PHF24: variants seen among roughly 807,000 people sequenced by gnomAD.
PHF24 encodes the protein Galpha inhibitory interacting protein.
Under a neutral mutation model 42.6 loss-of-function variants are expected in PHF24, and 25 were observed. The ratio of observed to expected loss-of-function variants is 0.59; its 90% CI spans 0.43 to 0.82. PHF24 has a LOEUF of 0.82. Among genes scored for constraint, PHF24 ranks in the 40% least tolerant of loss-of-function variants. The probability of loss-of-function intolerance (pLI) is 0.00; values close to 1 mark genes in which losing one functional copy is unlikely to be tolerated. For missense variants in PHF24, 470 were observed against 538.1 expected (o/e 0.87, Z 1.25); for synonymous variants, 185 against 204.8 (o/e 0.90, Z 0.83).
the PHF24 span, among the ~76,000 whole-genome samples, chr9:34,748,934 G>A: frequency 6.6e-6 from 1 of 152,066 alleles, no homozygotes; most frequent in East Asian, 1.9e-4. Flanking sequence ...TAGCTGTTTT[G>A]AGGAAACTCA....
chr9:34,665,757 C>T, the PHF24 span: 2 of 688,146 alleles, frequency 2.9e-6, no homozygotes, highest in East Asian at 2.7e-5. Flanking sequence ...ACGAGGCTGC[C>T]CAGTTCTCAG....
the PHF24 span, among the ~76,000 whole-genome samples, chr9:34,816,423 C>A: frequency 6.6e-6 from 1 of 152,188 alleles, no homozygotes; most frequent in East Asian, 1.9e-4. Context: ...CAGTGTCAGT[C>A]CATTTAGGCT....
At chr9:34,971,439 T>G (rs751350238) in exon 2 of PHF24, 29 of 1,613,974 alleles carry the variant, frequency 1.8e-5, no homozygotes, top group Non-Finnish European at 2.4e-5. Flanking sequence ...GCCGTGGCAC[T>G]GTAGAGGGCT....
chr9:34,669,852 T>C, the PHF24 span, among the ~76,000 whole-genome samples: 4 of 152,080 alleles, frequency 2.6e-5, no homozygotes, highest in Non-Finnish European at 5.9e-5. Flanking sequence ...GGGTTTATGC[T>C]AAGAGATGAG....
the PHF24 span, among the ~76,000 whole-genome samples, chr9:34,929,686 G>A: frequency 6.6e-6 from 1 of 152,130 alleles, no homozygotes; most frequent in African/African-American, 2.4e-5. Flanking sequence ...CTGTATTGTC[G>A]CCCCCTACAG....
chr9:34,715,959 A>G, the PHF24 span, among the ~76,000 whole-genome samples: 1 of 152,216 alleles, frequency 6.6e-6, no homozygotes, highest in East Asian at 1.9e-4. Context: ...CTTGGCAGGC[A>G]AGAGCCAGGG....
the PHF24 span, among the ~76,000 whole-genome samples, chr9:34,899,202 G>A: frequency 6.6e-6 from 1 of 152,116 alleles, no homozygotes; most frequent in African/African-American, 2.4e-5. Context: ...AGCAAACGAG[G>A]GAGATGAACT....
chr9:34,774,687 C>T, the PHF24 span, among the ~76,000 whole-genome samples: 2 of 152,056 alleles, frequency 1.3e-5, no homozygotes, highest in Non-Finnish European at 2.9e-5. Flanking sequence ...ACAGGAGAAT[C>T]GCTTGAACCT....
At chr9:34,800,493 G>A in the PHF24 span, among the ~76,000 whole-genome samples, 1 of 152,096 alleles carries the variant, frequency 6.6e-6, no homozygotes, top group Non-Finnish European at 1.5e-5. Context: ...GAACAGAACA[G>A]AGACCTCAGA....
chr9:34,886,826 G>GTATGTATCTATCTATCTATCTATC, the PHF24 span, among the ~76,000 whole-genome samples: 245 of 80,892 alleles, frequency 3.0e-3, no homozygotes, highest in African/African-American at 7.6e-3. Context: ...ATGTATCTAT[G>GTATGTATCTATCTATCTATCTATC]TATCTATGTA....
chr9:34,866,953 G>A, the PHF24 span, among the ~76,000 whole-genome samples: 1 of 152,196 alleles, frequency 6.6e-6, no homozygotes, highest in South Asian at 2.1e-4. Flanking sequence ...GGTTTTTCAA[G>A]TACTGAAACT....
chr9:34,832,380 G>A, the PHF24 span: 2 of 974,620 alleles, frequency 2.1e-6, no homozygotes, highest in East Asian at 2.6e-5. Context: ...GGTTGAGGCA[G>A]AGCCAGGTTG....
chr9:34,946,941 A>C, the PHF24 span, among the ~76,000 whole-genome samples: 31 of 152,386 alleles, frequency 2.0e-4, no homozygotes, highest in East Asian at 6.0e-3. Context: ...AGGGTGGTTC[A>C]GTTGAGAGGG....
the PHF24 span, among the ~76,000 whole-genome samples, chr9:34,680,714 A>AAAAT: frequency 9.5e-6 from 1 of 105,034 alleles, no homozygotes; most frequent in African/African-American, 3.7e-5. Context: ...AAATAAAAAA[A>AAAAT]AAAATAAAAT....
chr9:34,914,899 C>T, the PHF24 span, among the ~76,000 whole-genome samples: 5 of 151,274 alleles, frequency 3.3e-5, no homozygotes, highest in African/African-American at 1.2e-4. Context: ...GATCCTCCTG[C>T]CTCAGCCCCC....
chr9:34,964,574 T>C lies in PHF24; in HGVS notation c.-5+6173T>C, dbSNP rs1826703649. 2.0e-5 allele frequency among the ~76,000 whole-genome samples: 3 copies of C among 152,158 alleles called. No individual in the cohort carries two copies. The South Asian group carries it at 6.2e-4, about 32-fold the overall frequency. ...TCCCCTTCCTTATTTCTCTATCAGC[T>C]CCTGCTCCAGAGCAGCCCCTCCTCC... On this transcript the variant is annotated intron_variant, in intron 1 of 7. Transcript: ENST00000242315.
rs184712431 is a variant in PHF24, at chr9:34,964,826, C to T, written c.-5+6425C>T. Among the ~76,000 whole-genome samples, 15 of 152,274 alleles carry T rather than the reference C, an allele frequency of 9.9e-5. 1 individual carries two copies. The East Asian group carries it at 2.3e-3, about 24-fold the overall frequency. On this transcript the variant is annotated intron_variant, in intron 1 of 7. Transcript: ENST00000242315. ...ACGGCCCTATTCCACCTTCTTGTCC[C>T]GCTGTTATATACCATCACCTGCTCC...
At chr9:34,791,192 A>G in the PHF24 span, among the ~76,000 whole-genome samples, 2 of 152,254 alleles carry the variant, frequency 1.3e-5, no homozygotes, top group Non-Finnish European at 2.9e-5. Context: ...CATGAAAGCA[A>G]TTGCAGAAGG....
At chr9:34,894,406 T>C in the PHF24 span, 1 of 398,576 alleles carries the variant, frequency 2.5e-6, no homozygotes, top group Non-Finnish European at 4.4e-6. Context: ...CAGACCAGAC[T>C]AGCAGCTGGG....
Sources: allele counts gnomAD v4.1 joint callset (sites outside exome capture counted in the v4.1 genomes callset), GRCh38; gene constraint gnomAD v4.1.1; transcripts MANE v1.5; gene names NCBI Gene and HGNC (gene_info 2026-07-23, HGNC 2026-07-21).